EXOC4: variants seen among roughly 807,000 people sequenced by gnomAD.
EXOC4 encodes exocyst complex component 4, also known as SEC8-like 1.
EXOC4 carries 71 observed loss-of-function variants against 107.2 expected under a neutral mutation model. That is an observed-to-expected ratio of 0.66 (90% CI 0.55 to 0.81). The LOEUF is 0.81. Among genes scored for constraint, EXOC4 ranks in the 30% least tolerant of loss-of-function variants. EXOC4 has a pLI of 0.00. For synonymous variants in EXOC4, 456 were observed against 441.2 expected, an observed-to-expected ratio of 1.03 and a Z score of -0.42; for missense variants, 1,108 against 1,189.6, an observed-to-expected ratio of 0.93 and a Z score of 1.01.
At chr7:133,457,266 TGTG>T (rs1798485073) in intron 7 of EXOC4, among the ~76,000 whole-genome samples, 1 of 152,142 alleles carries the variant, frequency 6.6e-6, no homozygotes, top group Admixed American at 6.5e-5. Flanking sequence ...TGGTGTATGT[TGTG>T]GTGGTAATGG....
chr7:133,462,328 GA>G (rs1257590506), intron 7 of EXOC4, among the ~76,000 whole-genome samples: 1 of 152,158 alleles, frequency 6.6e-6, no homozygotes, highest in Non-Finnish European at 1.5e-5. Context: ...CCTTTAGCTA[GA>G]AAAGAATATA....
intron 12 of EXOC4, among the ~76,000 whole-genome samples, chr7:133,900,723 TAA>T (rs1411445359): frequency 2.6e-5 from 4 of 152,104 alleles, no homozygotes; most frequent in South Asian, 4.1e-4. Context: ...TAAGAGATAG[TAA>T]AGAGGTAAAC....
At chr7:133,615,325 T>C (rs1224392713) in intron 9 of EXOC4, among the ~76,000 whole-genome samples, 3 of 152,136 alleles carry the variant, frequency 2.0e-5, no homozygotes, top group African/African-American at 7.2e-5. Context: ...TTTATTTTTA[T>C]AACGATTGAC....
At chr7:133,523,411 AAATT>A (rs1800016451) in intron 9 of EXOC4, among the ~76,000 whole-genome samples, 1 of 151,758 alleles carries the variant, frequency 6.6e-6, no homozygotes, top group South Asian at 2.1e-4. Flanking sequence ...TCTAATCTGA[AAATT>A]AAGAGTATAT....
intron 9 of EXOC4, among the ~76,000 whole-genome samples, chr7:133,513,405 C>A (rs10237189): frequency 6.6e-6 from 1 of 152,058 alleles, no homozygotes; most frequent in Non-Finnish European, 1.5e-5. Context: ...TACCTGTTTT[C>A]TAGGAAAAGC....
Position 133,881,329 on chromosome 7 carries a change from T to C in EXOC4, c.1735-14270T>C, listed in dbSNP as rs967616814. 8.8e-4 allele frequency among the ~76,000 whole-genome samples: 108 copies of C among 122,348 alleles called. 1 individual carries two copies. Among genetic ancestry groups the C allele is most frequent in the African/African-American group, 3.0e-3 (95 of 31,640 alleles). The allele number at this position is 122,348 out of a possible 152,430, so 80.3% of individuals were successfully genotyped here. A position where few individuals can be genotyped will look rare whatever the true frequency, so the allele number is the denominator to read the frequency against. ...CCATGAACAACCACTCTCAGTTCCCTGAATCCCATGCTGTTTCATGTTCAT... is the reference window on the plus strand; with the variant it reads ...CCATGAACAACCACTCTCAGTTCCCCGAATCCCATGCTGTTTCATGTTCAT... On this transcript the variant is annotated intron_variant, in intron 11 of 17. Coordinates refer to ENST00000253861, the MANE Select transcript of EXOC4 (RefSeq NM_021807.4).
chr7:133,417,368 G>C (rs939329204), intron 7 of EXOC4, among the ~76,000 whole-genome samples: 1 of 152,170 alleles, frequency 6.6e-6, no homozygotes, highest in South Asian at 2.1e-4. Context: ...GATTCAGAGA[G>C]AGGCTAGGAT....
At chr7:133,550,814 C>A (rs886946877) in intron 9 of EXOC4, among the ~76,000 whole-genome samples, 2 of 152,022 alleles carry the variant, frequency 1.3e-5, no homozygotes, top group Admixed American at 6.6e-5. Context: ...CAGCAAAACA[C>A]TAATTTAAGT....
chr7:133,539,587 G>A (rs1330200912), intron 9 of EXOC4, among the ~76,000 whole-genome samples: 3 of 151,396 alleles, frequency 2.0e-5, no homozygotes, highest in South Asian at 2.1e-4. Context: ...AGGAAAGTCT[G>A]TGGGGTGGGG....
chr7:133,812,922 C>T (rs1010273127), intron 10 of EXOC4, among the ~76,000 whole-genome samples: 3 of 152,026 alleles, frequency 2.0e-5, no homozygotes, highest in African/African-American at 7.2e-5. Context: ...CCGTTCTATC[C>T]ATTTTTCACT....
At chr7:133,496,719 T>A (rs2150881574) in intron 9 of EXOC4, among the ~76,000 whole-genome samples, 1 of 152,302 alleles carries the variant, frequency 6.6e-6, no homozygotes, top group Non-Finnish European at 1.5e-5. Context: ...CCACTGGTAG[T>A]AGGCAGAATT....
chr7:133,799,715 T>A (rs1408969273), intron 10 of EXOC4, among the ~76,000 whole-genome samples: 1 of 152,074 alleles, frequency 6.6e-6, no homozygotes, highest in Non-Finnish European at 1.5e-5. Flanking sequence ...TTTTGAGAAA[T>A]GAAATATACT....
chr7:133,663,788 T>C (rs1793751118), intron 10 of EXOC4, among the ~76,000 whole-genome samples: 1 of 152,214 alleles, frequency 6.6e-6, no homozygotes. Flanking sequence ...CTAATGGTCT[T>C]ATACTTTATC....
At chr7:133,851,369 A>C (rs1798236567) in intron 11 of EXOC4, among the ~76,000 whole-genome samples, 1 of 152,246 alleles carries the variant, frequency 6.6e-6, no homozygotes, top group Admixed American at 6.5e-5. Context: ...TTATAAATAG[A>C]GACAGGGCCT....
At chr7:133,980,688 C>T (rs1444677568) in intron 14 of EXOC4, among the ~76,000 whole-genome samples, 3 of 152,176 alleles carry the variant, frequency 2.0e-5, no homozygotes, top group Non-Finnish European at 4.4e-5. Flanking sequence ...GTGTAGTCAA[C>T]TGATAGAGAT....
At chr7:133,419,141 G>A (rs1797545862) in intron 7 of EXOC4, among the ~76,000 whole-genome samples, 1 of 152,140 alleles carries the variant, frequency 6.6e-6, no homozygotes, top group Non-Finnish European at 1.5e-5. Context: ...GAAGGTAGAA[G>A]TGGAGAGATG....
At chr7:134,040,235 A>G (rs1795483797) in intron 17 of EXOC4, among the ~76,000 whole-genome samples, 1 of 152,224 alleles carries the variant, frequency 6.6e-6, no homozygotes, top group Non-Finnish European at 1.5e-5. Flanking sequence ...CCTTAGAGTG[A>G]CTTTTTTATA....
chr7:133,961,662 G>C (rs1800948753), intron 14 of EXOC4, among the ~76,000 whole-genome samples: 2 of 152,146 alleles, frequency 1.3e-5, no homozygotes, highest in South Asian at 4.1e-4. Context: ...AAGGTACATG[G>C]TAATGTCACA....
rs10276087 is a variant in EXOC4 at position 133,428,931 on chromosome 7, T to C, written c.1183-46397T>C. Among the ~76,000 whole-genome samples the C allele has an allele frequency of 1.4e-3, 220 of 152,376 alleles. 2 individuals carry two copies. The highest frequency in any genetic ancestry group is 4.9e-3 in the African/African-American group (204 of 41,586). ...CTCTGATCAGAAGTTACCTTATGAATGTTATACATATGTGTAGATTAGAAA... is the reference window on the plus strand; with the variant it reads ...CTCTGATCAGAAGTTACCTTATGAACGTTATACATATGTGTAGATTAGAAA... On this transcript the variant is annotated intron_variant, in intron 7 of 17. Coordinates refer to ENST00000253861, the MANE Select transcript of EXOC4 (RefSeq NM_021807.4).
Sources: gnomAD v4.1 joint callset for allele counts (sites outside exome capture counted in the v4.1 genomes callset) on GRCh38, gnomAD v4.1.1 for gene constraint, MANE v1.5 for transcripts, NCBI Gene and HGNC (gene_info 2026-07-23, HGNC 2026-07-21) for gene names.